Variants in FYB1 observed in about 807,000 individuals in gnomAD.
FYB1 encodes the protein FYN binding protein 1.
In FYB1, 41 loss-of-function variants were observed where a neutral mutation model predicts 94.1. That is an observed-to-expected ratio of 0.44 (90% CI 0.34 to 0.57). FYB1 has a LOEUF of 0.57. Among genes scored for constraint, FYB1 ranks in the 20% least tolerant of loss-of-function variants. FYB1 has a pLI of 0.02. For synonymous variants in FYB1, 367 were observed against 353.2 expected (o/e 1.04, Z -0.44); for missense variants, 1,050 against 976.8 (o/e 1.07, Z -1.00).
In FYB1 at chr5:39,109,231, T is replaced by C. The variant is rs891280404; in HGVS notation, c.2436-969A>G. 3.9e-5 allele frequency among the ~76,000 whole-genome samples: 6 copies of C among 151,940 alleles called. No individual in the cohort carries two copies. The South Asian group carries it at 1.0e-3, about 26-fold the overall frequency. ...CCCTATGTCTTCTGTTTGGATCTTT[T>C]CTCTGAGATGGAGGGAGGGTTTGGC... On this transcript the variant is annotated intron_variant, in intron 17 of 18. Coordinates refer to ENST00000512982, the MANE Select transcript of FYB1 (RefSeq NM_001465.6).
intron 13 of FYB1, among the ~76,000 whole-genome samples, chr5:39,123,986 G>T (rs1371158246): frequency 6.6e-6 from 1 of 152,088 alleles, no homozygotes; most frequent in East Asian, 1.9e-4. Flanking sequence ...AGGGAAAATT[G>T]GTGCTTATCC....
chr5:39,137,601 T>C lies in FYB1; in HGVS notation c.1514A>G (p.Lys505Arg), dbSNP rs1166579804. 3 of 1,544,172 alleles carry C rather than the reference T, an allele frequency of 1.9e-6. No individual in the cohort carries two copies. The highest frequency in any genetic ancestry group is 4.0e-5 in the Admixed American group (2 of 50,170). Reference protein sequence around the residue: ...KKEQEIKKKFKLTGPIQVIHL... With the variant: ...KKEQEIKKKFRLTGPIQVIHL... The stretch of plus-strand genomic sequence containing the variant: ...ACTCATTAGCAAGCAAGCCCTTACT[T>C]TAAATTTCTTCTTTATTTCTTGTTC... The change falls in exon 7 of 19, where the codon AAA becomes AGA. Residue 505 changes from lysine (K) to arginine (R), a missense_variant and splice_region_variant. Transcript: ENST00000512982.
At position 39,110,368 on chromosome 5, in the gene FYB1, T is replaced by C. The variant is rs1435588606; in HGVS notation, c.2423A>G (p.Tyr808Cys). The C allele has an allele frequency of 1.3e-6, 2 of 1,595,400 alleles. No homozygotes were observed. The highest frequency in any genetic ancestry group is 1.3e-5 in the African/African-American group (1 of 74,534). ...AAAATGGGCTTACTTGTCCGCTAGGTAACTCCGAAGGACATAACCATCTAC... is the reference window on the plus strand; with the variant it reads ...AAAATGGGCTTACTTGTCCGCTAGGCAACTCCGAAGGACATAACCATCTAC... Reference protein sequence around the residue: ...EGKYGYVLRSYLADNDGEIYD... With the variant: ...EGKYGYVLRSCLADNDGEIYD... The change falls in exon 17 of 19, where the codon TAC (tyrosine) becomes TGC (cysteine). Residue 808 changes from tyrosine (Y) to cysteine (C), a missense_variant. By Grantham distance (194) the Tyr-to-Cys change is radical (BLOSUM62 -2). Transcript: ENST00000512982.
chr5:39,150,965 C>T (rs139233841), intron 3 of FYB1, among the ~76,000 whole-genome samples: 23 of 151,984 alleles, frequency 1.5e-4, no homozygotes, highest in African/African-American at 4.3e-4. Context: ...TCAAGATAAG[C>T]GCTGCAATCT....
In FYB1 at chr5:39,107,367, C is replaced by T; in HGVS notation, c.*76G>A. On this transcript the variant is annotated 3_prime_UTR_variant, in exon 19 of 19. Coordinates refer to ENST00000512982, the MANE Select transcript of FYB1 (RefSeq NM_001465.6). ...GTTTTGTGCATTAATTTTCTTGATA[C>T]CCAATAACATGCCAATTAAAATCCA... 4.0e-6 allele frequency: 4 copies of T among 1,005,912 alleles called. No individual in the cohort carries two copies. The highest frequency in any genetic ancestry group is 5.7e-6 in the Non-Finnish European group (4 of 698,208). The allele number at this position is 1,005,912 out of a possible 1,614,324, so 62.3% of individuals were successfully genotyped here.
chr5:39,232,714 C>G (rs1750798832), intron 1 of FYB1, among the ~76,000 whole-genome samples: 2 of 143,808 alleles, frequency 1.4e-5, no homozygotes, highest in African/African-American at 5.1e-5. Context: ...CTAACCCTCC[C>G]CCCTCCCCCC....
intron 2 of FYB1, among the ~76,000 whole-genome samples, chr5:39,171,705 C>T (rs754227803): frequency 6.6e-6 from 1 of 152,162 alleles, no homozygotes; most frequent in Non-Finnish European, 1.5e-5. Context: ...TGAAACACAA[C>T]TTATTTGTTT....
chr5:39,141,329 G>A (rs762291166), intron 3 of FYB1, among the ~76,000 whole-genome samples, 188 bp from the exon 4 acceptor site: 1 of 152,220 alleles, frequency 6.6e-6, no homozygotes, highest in South Asian at 2.1e-4. Context: ...AGAAAATGGA[G>A]AATTGGGAAA....
chr5:39,130,360 G>A (rs1432806074), intron 10 of FYB1, among the ~76,000 whole-genome samples: 1 of 152,036 alleles, frequency 6.6e-6, no homozygotes, highest in Non-Finnish European at 1.5e-5. Context: ...AGAGTAGGGT[G>A]ACTATAATTA....
chr5:39,114,423 A>G (rs1739346931), intron 16 of FYB1, among the ~76,000 whole-genome samples: 1 of 152,196 alleles, frequency 6.6e-6, no homozygotes, highest in African/African-American at 2.4e-5. Context: ...CCACTGCGTA[A>G]TGGTAAGGGA....
chr5:39,182,369 G>A (rs1746343003), intron 2 of FYB1, among the ~76,000 whole-genome samples: 4 of 149,776 alleles, frequency 2.7e-5, no homozygotes, highest in South Asian at 4.2e-4. Flanking sequence ...ATCATGTACC[G>A]GTGCTATTTG....
intron 1 of FYB1, among the ~76,000 whole-genome samples, chr5:39,263,630 AT>A: frequency 6.6e-6 from 1 of 152,230 alleles, no homozygotes; most frequent in East Asian, 1.9e-4. Flanking sequence ...ATACTCTCAG[AT>A]TTCCCTGGGA....
upstream of FYB1, among the ~76,000 whole-genome samples, chr5:39,224,365 G>T (rs1023543662): frequency 6.6e-6 from 1 of 152,102 alleles, no homozygotes; most frequent in Non-Finnish European, 1.5e-5. Context: ...GATGGGGGAG[G>T]GCTGCCACCT....
At chr5:39,235,141 A>G (rs1204118901) in intron 1 of FYB1, among the ~76,000 whole-genome samples, 1 of 151,966 alleles carries the variant, frequency 6.6e-6, no homozygotes, top group Non-Finnish European at 1.5e-5. Context: ...TCCCTGGAAG[A>G]AAAAAAGGTC....
At chr5:39,125,528 T>C (rs895073132) in intron 12 of FYB1, among the ~76,000 whole-genome samples, 3 of 152,190 alleles carry the variant, frequency 2.0e-5, no homozygotes, top group Admixed American at 6.5e-5. Flanking sequence ...AAATTCAAAA[T>C]TATGTTCTTT....
intron 2 of FYB1, among the ~76,000 whole-genome samples, chr5:39,185,188 G>A (rs1746634281): frequency 6.6e-6 from 1 of 152,084 alleles, no homozygotes; most frequent in Non-Finnish European, 1.5e-5. Context: ...GAGAAGCCCA[G>A]ATAAATAATT....
chr5:39,119,417 G>A (rs551537481), intron 15 of FYB1, 118 bp downstream of exon 15: 11 of 676,820 alleles, frequency 1.6e-5, no homozygotes, highest in Non-Finnish European at 1.9e-5. Flanking sequence ...ACTTTAAAGT[G>A]TGCATTTTGT....
At chr5:39,232,853 T>A (rs3952805) in intron 1 of FYB1, among the ~76,000 whole-genome samples, 22,954 of 151,872 alleles carry the variant, frequency 0.15, 4,588 homozygotes, top group African/African-American at 0.44. Flanking sequence ...TTACTGAGAA[T>A]GATGATTTCC....
intron 2 of FYB1, among the ~76,000 whole-genome samples, chr5:39,196,155 T>C (rs1451083291): frequency 6.6e-6 from 1 of 151,826 alleles, no homozygotes; most frequent in Non-Finnish European, 1.5e-5. Context: ...TATTAAAATC[T>C]AATACTGAAC....
Sources: allele counts gnomAD v4.1 joint callset (sites outside exome capture counted in the v4.1 genomes callset), GRCh38; gene constraint gnomAD v4.1.1; transcripts MANE v1.5; gene names NCBI Gene and HGNC (gene_info 2026-07-23, HGNC 2026-07-21).